The following C12orf42 variants were observed in gnomAD, a reference collection of about 807,000 sequenced individuals.
C12orf42 encodes the protein uncharacterized protein C12orf42.
Under a neutral mutation model 21.6 loss-of-function variants are expected in C12orf42, and 25 were observed. The observed-to-expected ratio is 1.16, with a 90% CI of 0.84 to 1.62. The LOEUF is 1.62. Ranked by LOEUF, C12orf42 falls within the 40% of genes most tolerant of loss-of-function variation. C12orf42 has a pLI of 0.00. For synonymous variants in C12orf42, 174 were observed against 175.0 expected, an observed-to-expected ratio of 0.99 and a Z score of 0.05; for missense variants, 483 against 459.3, an observed-to-expected ratio of 1.05 and a Z score of -0.47.
At chr12:103,158,383 C>T in the C12orf42 span, among the ~76,000 whole-genome samples, 5 of 152,152 alleles carry the variant, frequency 3.3e-5, 1 homozygote, top group South Asian at 8.3e-4. Flanking sequence ...TCTGCGCTGA[C>T]CACTCAGCAC....
chr12:103,368,240 T>A (rs1593647149), intron 4 of C12orf42: 4 of 426,158 alleles, frequency 9.4e-6, no homozygotes, highest in African/African-American at 2.1e-5. Flanking sequence ...TTGTCCTGTA[T>A]CAATTTATTT....
the C12orf42 span, chr12:103,178,265 C>T: frequency 6.6e-6 from 1 of 152,180 alleles, no homozygotes; most frequent in Non-Finnish European, 1.5e-5. Flanking sequence ...TTTCTACCCA[C>T]CCCCAACTTC....
At chr12:103,105,445 G>A in the C12orf42 span, among the ~76,000 whole-genome samples, 2 of 152,240 alleles carry the variant, frequency 1.3e-5, no homozygotes, top group East Asian at 3.9e-4. Flanking sequence ...TAGGAGCTAA[G>A]CATTGAGCAC....
chr12:103,072,553 C>G, the C12orf42 span, among the ~76,000 whole-genome samples: 14 of 152,010 alleles, frequency 9.2e-5, no homozygotes, highest in African/African-American at 3.1e-4. Context: ...AATAGCAGTA[C>G]ACTTGGAGCA....
chr12:103,540,834 C>T, the C12orf42 span, among the ~76,000 whole-genome samples: 5 of 152,240 alleles, frequency 3.3e-5, no homozygotes, highest in African/African-American at 1.2e-4. Context: ...TCTGTATTTG[C>T]CTCACATTTT....
the C12orf42 span, among the ~76,000 whole-genome samples, chr12:103,541,497 C>T: frequency 6.6e-6 from 1 of 152,074 alleles, no homozygotes; most frequent in Non-Finnish European, 1.5e-5. Flanking sequence ...TGTAATGATG[C>T]TAATATAAAC....
At position 103,374,670 on chromosome 12, in the gene C12orf42, A is replaced by AACAC. The variant is rs140104146; in HGVS notation, c.148-5676_148-5673dup. On this transcript the variant is annotated intron_variant, in intron 3 of 5. Transcript: ENST00000548883. ...CAACACACAAAATAACCAATGAGAAAACACACACACACACACAAAATCTCA... is the reference window on the plus strand; with the variant it reads ...CAACACACAAAATAACCAATGAGAAAACACACACACACACACACACAAAATCTCA... Among the ~76,000 whole-genome samples the AACAC allele has an allele frequency of 6.7e-4, 102 of 151,750 alleles. 1 individual carries two copies. The highest frequency in any genetic ancestry group is 2.3e-3 in the African/African-American group (94 of 41,382).
At chr12:103,361,740 C>T (rs892055468) in intron 4 of C12orf42, among the ~76,000 whole-genome samples, 1 of 151,994 alleles carries the variant, frequency 6.6e-6, no homozygotes, top group African/African-American at 2.4e-5. Flanking sequence ...AGCTTTCCCC[C>T]ACTTCCCTGA....
At chr12:103,302,781 C>T (rs1566038399) in intron 5 of C12orf42, among the ~76,000 whole-genome samples, 1 of 151,136 alleles carries the variant, frequency 6.6e-6, no homozygotes, top group African/African-American at 2.5e-5. Flanking sequence ...TTGAAACCAC[C>T]TACCCAACAC....
the C12orf42 span, among the ~76,000 whole-genome samples, chr12:103,086,401 T>C: frequency 6.6e-6 from 1 of 151,638 alleles, no homozygotes; most frequent in Non-Finnish European, 1.5e-5. Flanking sequence ...CTATTTCTAA[T>C]TCATAGCAAA....
chr12:103,252,502 G>A (rs891267353), intron 10 of C12orf42, among the ~76,000 whole-genome samples: 30 of 152,112 alleles, frequency 2.0e-4, no homozygotes, highest in Admixed American at 8.5e-4. Context: ...GGTGTGAGAT[G>A]GTATCCCATT....
chr12:103,085,484 A>G, the C12orf42 span, among the ~76,000 whole-genome samples: 1 of 152,118 alleles, frequency 6.6e-6, no homozygotes, highest in African/African-American at 2.4e-5. Flanking sequence ...AGATTTCAGA[A>G]TGCACAATTC....
At chr12:103,126,955 TA>T in the C12orf42 span, among the ~76,000 whole-genome samples, 24 of 152,184 alleles carry the variant, frequency 1.6e-4, no homozygotes, top group African/African-American at 5.8e-4. Context: ...TGCAGATAGT[TA>T]AAAATATTCA....
chr12:103,076,712 A>T, the C12orf42 span, among the ~76,000 whole-genome samples: 1 of 152,220 alleles, frequency 6.6e-6, no homozygotes, highest in Non-Finnish European at 1.5e-5. Flanking sequence ...ACACTTATTT[A>T]TATAATTAAA....
chr12:103,412,591 C>G (rs1566267821), intron 2 of C12orf42, among the ~76,000 whole-genome samples: 1 of 152,176 alleles, frequency 6.6e-6, no homozygotes, highest in Non-Finnish European at 1.5e-5. Flanking sequence ...ATCACTTGAA[C>G]CTGGGAGGCA....
At chr12:103,263,331 AT>A (rs1033145214) in exon 10 of C12orf42, 4 of 152,194 alleles carry the variant, frequency 2.6e-5, no homozygotes, top group African/African-American at 9.6e-5. Context: ...AATACCTTCT[AT>A]TTGAGGTAGG....
chr12:103,175,813 A>T, the C12orf42 span, among the ~76,000 whole-genome samples: 2 of 152,162 alleles, frequency 1.3e-5, no homozygotes, highest in East Asian at 3.8e-4. Context: ...GGGCACCATG[A>T]CCCAAACCAA....
At chr12:103,483,621 AT>A (rs1289509471) in intron 1 of C12orf42, among the ~76,000 whole-genome samples, 1 of 151,622 alleles carries the variant, frequency 6.6e-6, no homozygotes, top group Non-Finnish European at 1.5e-5. Context: ...TTTTTGCTGA[AT>A]TTTTTATGTC....
At chr12:103,168,320 G>T in the C12orf42 span, 1 of 286,580 alleles carries the variant, frequency 3.5e-6, no homozygotes, top group Non-Finnish European at 6.9e-6. Flanking sequence ...TAACTGACAT[G>T]CTACTTGAGC....
Sources: allele counts gnomAD v4.1 joint callset (sites outside exome capture counted in the v4.1 genomes callset), GRCh38; gene constraint gnomAD v4.1.1; transcripts MANE v1.5; gene names NCBI Gene and HGNC (gene_info 2026-07-23, HGNC 2026-07-21).